The following DCC variants were observed in gnomAD, a reference collection of about 807,000 sequenced individuals.
DCC encodes DCC netrin 1 receptor.
DCC carries 58 observed loss-of-function variants against 172.5 expected under a neutral mutation model. The ratio of observed to expected loss-of-function variants is 0.34; its 90% CI spans 0.27 to 0.42. The LOEUF (loss-of-function observed/expected upper bound fraction) is 0.42, where lower values mean the gene tolerates loss of function less well. DCC is among the 10% of genes least tolerant of loss of function. DCC has a pLI of 1.00. For missense variants in DCC, 1,740 were observed against 1,791.0 expected (o/e 0.97, Z 0.51); for synonymous variants, 709 against 644.5 (o/e 1.10, Z -1.52).
At chr18:52,905,970 A>T in intron 2 of DCC, 74 bp from the exon 3 acceptor site, 1 of 1,018,276 alleles carries the variant, frequency 9.8e-7, no homozygotes, top group South Asian at 1.3e-5. Flanking sequence ...AAAGAATACA[A>T]AGTGATTATT....
At chr18:52,832,248 G>A (rs562940243) in intron 2 of DCC, among the ~76,000 whole-genome samples, 29 of 152,222 alleles carry the variant, frequency 1.9e-4, no homozygotes, top group Non-Finnish European at 3.7e-4. Context: ...TTTCATAGGG[G>A]AAAGAGCCTC....
chr18:52,632,557 AGCT>A (rs2034696799), intron 1 of DCC, among the ~76,000 whole-genome samples: 1 of 152,226 alleles, frequency 6.6e-6, no homozygotes, highest in South Asian at 2.1e-4. Context: ...CCACGCAGGT[AGCT>A]GAGTAAATTT....
intron 2 of DCC, among the ~76,000 whole-genome samples, chr18:52,900,163 A>G (rs1184902036): frequency 2.0e-5 from 3 of 152,214 alleles, no homozygotes; most frequent in East Asian, 3.9e-4. Flanking sequence ...GCATTGAACT[A>G]TTAAGTCTCA....
Position 53,351,337 on chromosome 18 carries a change from G to GTATATATATATATACACTGTA in DCC, c.2359+11442_2359+11443insTACACTGTATATATATATATA, listed in dbSNP as rs1165093443. Among the ~76,000 whole-genome samples, 50 of 11,636 alleles carry GTATATATATATATACACTGTA rather than the reference G, an allele frequency of 4.3e-3. 2 individuals are homozygous for GTATATATATATATACACTGTA. Among genetic ancestry groups the GTATATATATATATACACTGTA allele is most frequent in the Non-Finnish European group, 6.8e-3 (35 of 5,174 alleles). 7.6% of individuals were successfully genotyped at this position (11,636 alleles called of 152,430 possible). A position where few individuals can be genotyped will look rare whatever the true frequency, so the allele number is the denominator to read the frequency against. On this transcript the variant is annotated intron_variant, in intron 15 of 28. Transcript: ENST00000442544. ...TATACACTGTATATATATATACAGT[G>GTATATATATATATACACTGTA]TATATATATATACACAGTATATATA...
At chr18:53,396,354 C>G (rs1459996231) in intron 17 of DCC, among the ~76,000 whole-genome samples, 1 of 152,104 alleles carries the variant, frequency 6.6e-6, no homozygotes, top group African/African-American at 2.4e-5. Flanking sequence ...AACCTTGCAT[C>G]ATGTTTTTTC....
chr18:52,610,770 T>A (rs150725374), intron 1 of DCC, among the ~76,000 whole-genome samples: 118 of 152,326 alleles, frequency 7.7e-4, no homozygotes, highest in African/African-American at 2.5e-3. Context: ...ATCTTATTTA[T>A]GGGCCCTTAC....
chr18:53,005,038 T>G (rs527845348), intron 5 of DCC, among the ~76,000 whole-genome samples: 2 of 152,298 alleles, frequency 1.3e-5, no homozygotes, highest in African/African-American at 4.8e-5. Context: ...CTTGCTCTCT[T>G]GCTTTTGTGC....
chr18:53,053,476 G>C (rs975960046), intron 5 of DCC, among the ~76,000 whole-genome samples: 2 of 152,066 alleles, frequency 1.3e-5, no homozygotes, highest in Non-Finnish European at 2.9e-5. Context: ...AATTAAGAGA[G>C]GGAAATTCAG....
chr18:52,415,683 G>A (rs1413982108), intron 1 of DCC, among the ~76,000 whole-genome samples: 1 of 151,284 alleles, frequency 6.6e-6, no homozygotes. Context: ...AAAAATAGAA[G>A]TGAACTGGCA....
At chr18:52,342,074 A>G (rs1264821685) in intron 1 of DCC, among the ~76,000 whole-genome samples, 1 of 152,108 alleles carries the variant, frequency 6.6e-6, no homozygotes, top group Non-Finnish European at 1.5e-5. Flanking sequence ...TAAGTGCTGC[A>G]TGGCCAAGGG....
intron 1 of DCC, among the ~76,000 whole-genome samples, chr18:52,450,407 G>A (rs1988264957): frequency 6.6e-6 from 1 of 152,122 alleles, no homozygotes; most frequent in African/African-American, 2.4e-5. Context: ...CTGTAGACAA[G>A]GTAACCATCC....
chr18:52,503,617 A>G (rs902362796), intron 1 of DCC, among the ~76,000 whole-genome samples: 18 of 152,108 alleles, frequency 1.2e-4, no homozygotes, highest in African/African-American at 4.3e-4. Context: ...TGAGATGACC[A>G]TGGGTCCATC....
intron 5 of DCC, among the ~76,000 whole-genome samples, chr18:53,061,274 T>C (rs2042491109): frequency 1.3e-5 from 2 of 152,100 alleles, no homozygotes; most frequent in South Asian, 4.1e-4. Context: ...TTTGGTGTTC[T>C]CTTCTCTCCC....
intron 1 of DCC, among the ~76,000 whole-genome samples, chr18:52,470,004 C>T (rs905712471): frequency 5.3e-5 from 8 of 152,294 alleles, no homozygotes; most frequent in Non-Finnish European, 8.8e-5. Flanking sequence ...AGAGCTTGGT[C>T]TTATGCTCAA....
intron 5 of DCC, among the ~76,000 whole-genome samples, chr18:53,030,158 G>T (rs2042008621): frequency 1.3e-5 from 2 of 152,200 alleles, no homozygotes; most frequent in South Asian, 4.1e-4. Context: ...GAATGGAGAT[G>T]GTCTCCAGGA....
At chr18:53,327,314 A>G (rs959586422) in intron 14 of DCC, among the ~76,000 whole-genome samples, 9 of 152,220 alleles carry the variant, frequency 5.9e-5, no homozygotes, top group Non-Finnish European at 7.3e-5. Flanking sequence ...GCTTAAAAAA[A>G]AAAGCAAACC....
intron 2 of DCC, among the ~76,000 whole-genome samples, chr18:52,777,910 G>A (rs2037462896): frequency 6.6e-6 from 1 of 152,310 alleles, no homozygotes; most frequent in South Asian, 2.1e-4. Flanking sequence ...AGAGCTAAAA[G>A]CAGTGGACAA....
intron 7 of DCC, among the ~76,000 whole-genome samples, chr18:53,085,504 C>T (rs972390999): frequency 2.4e-4 from 37 of 152,140 alleles, no homozygotes; most frequent in Non-Finnish European, 4.7e-4. Flanking sequence ...ATAAGCTCCC[C>T]AAATCACCTA....
chr18:53,292,117 C>G (rs566699560), intron 12 of DCC, among the ~76,000 whole-genome samples: 3 of 151,226 alleles, frequency 2.0e-5, no homozygotes, highest in East Asian at 1.9e-4. Flanking sequence ...AGCTCCACCC[C>G]CCCCCCCTTT....
Sources: gnomAD v4.1 joint callset for allele counts (sites outside exome capture counted in the v4.1 genomes callset) on GRCh38, gnomAD v4.1.1 for gene constraint, MANE v1.5 for transcripts, NCBI Gene and HGNC (gene_info 2026-07-23, HGNC 2026-07-21) for gene names.